Variants in PTPRD observed in about 807,000 individuals in gnomAD.
The protein encoded by PTPRD is protein tyrosine phosphatase receptor type D.
Under a neutral mutation model 214.5 loss-of-function variants are expected in PTPRD, and 34 were observed. That is an observed-to-expected ratio of 0.16 (90% CI 0.12 to 0.21). PTPRD has a LOEUF of 0.21. Ranked by LOEUF, PTPRD falls within the 10% of genes least tolerant of loss-of-function variation. PTPRD has a pLI of 1.00. For synonymous variants in PTPRD, 1,128 were observed against 845.7 expected, an observed-to-expected ratio of 1.33 and a Z score of -5.79; for missense variants, 2,545 against 2,398.7, an observed-to-expected ratio of 1.06 and a Z score of -1.27.
intron 8 of PTPRD, among the ~76,000 whole-genome samples, chr9:9,481,948 C>A (rs2095431214): frequency 6.6e-6 from 1 of 152,124 alleles, no homozygotes; most frequent in South Asian, 2.1e-4. Flanking sequence ...ATCAAATCTG[C>A]TTGAATTATC....
chr9:8,677,235 C>T (rs2097442648), intron 12 of PTPRD, among the ~76,000 whole-genome samples: 1 of 152,168 alleles, frequency 6.6e-6, no homozygotes, highest in Non-Finnish European at 1.5e-5. Flanking sequence ...TTTATCACAG[C>T]ATTATTCACA....
chr9:9,225,603 A>T (rs2099958939), intron 9 of PTPRD, among the ~76,000 whole-genome samples: 1 of 152,058 alleles, frequency 6.6e-6, no homozygotes, highest in African/African-American at 2.4e-5. Flanking sequence ...ACAAAGCCCT[A>T]TTGAGACATC....
intron 7 of PTPRD, among the ~76,000 whole-genome samples, chr9:9,701,727 A>G (rs930370783): frequency 1.3e-5 from 2 of 152,180 alleles, no homozygotes; most frequent in African/African-American, 4.8e-5. Flanking sequence ...TTTTCAAATG[A>G]GAAGGATGAA....
At chr9:10,285,347 A>T (rs12006022) in intron 3 of PTPRD, among the ~76,000 whole-genome samples, 17,117 of 152,132 alleles carry the variant, frequency 0.11, 2,282 homozygotes, top group African/African-American at 0.3. Context: ...TTATGTTATG[A>T]ACTTTAAAAA....
rs869152689 is a variant in PTPRD at position 9,692,638 on chromosome 9, GT to G, written c.-287+41894del. Among the ~76,000 whole-genome samples, 226 of 89,144 alleles carry G rather than the reference GT, an allele frequency of 2.5e-3. 3 individuals carry two copies. The highest frequency in any genetic ancestry group is 6.7e-3 in the East Asian group (19 of 2,856). The allele number at this position is 89,144 out of a possible 152,430, so 58.5% of individuals were successfully genotyped here. ...TTTTGTGATTCTATATAAATTTTAA[GT>G]TTTTTTTTTTTCTATTTCTGTGAAG... On this transcript the variant is annotated intron_variant, in intron 7 of 45. Transcript: ENST00000381196.
chr9:9,488,867 A>G (rs1366579337), intron 8 of PTPRD, among the ~76,000 whole-genome samples: 1 of 152,118 alleles, frequency 6.6e-6, no homozygotes, highest in Non-Finnish European at 1.5e-5. Context: ...GCTTGCACCC[A>G]GATTGCAAGA....
At chr9:9,126,400 A>T (rs1352144739) in intron 10 of PTPRD, among the ~76,000 whole-genome samples, 1 of 152,204 alleles carries the variant, frequency 6.6e-6, no homozygotes, top group Non-Finnish European at 1.5e-5. Context: ...GTCCTCACCT[A>T]TATCAAGGAT....
chr9:10,460,233 GA>G (rs1378041941), intron 2 of PTPRD, among the ~76,000 whole-genome samples: 6 of 151,776 alleles, frequency 4.0e-5, no homozygotes, highest in African/African-American at 1.2e-4. Flanking sequence ...AATTAAATAG[GA>G]CACAAATAAG....
rs547123758 is a variant in PTPRD at position 9,004,352 on chromosome 9, C to T, written c.-104+14345G>A. ...AAAATATAAACCTCATACCCTTATT[C>T]TCTTCCTACATTTCAACCATCTCAA... is the stretch of plus-strand genomic sequence containing the variant. On this transcript the variant is annotated intron_variant, in intron 11 of 45. Transcript: ENST00000381196. Among the ~76,000 whole-genome samples, 3 of 152,110 alleles carry T rather than the reference C, an allele frequency of 2.0e-5. No homozygotes were observed. The East Asian group carries it at 5.8e-4, about 29-fold the overall frequency.
intron 12 of PTPRD, among the ~76,000 whole-genome samples, chr9:8,677,236 A>G (rs1286201388): frequency 6.6e-6 from 1 of 152,234 alleles, no homozygotes; most frequent in Non-Finnish European, 1.5e-5. Flanking sequence ...TTATCACAGC[A>G]TTATTCACAA....
intron 3 of PTPRD, among the ~76,000 whole-genome samples, chr9:10,338,559 G>C (rs548792682): frequency 1.3e-5 from 2 of 151,798 alleles, no homozygotes; most frequent in East Asian, 3.9e-4. Context: ...ATAGATAAAG[G>C]TGTAGTGTTA....
intron 9 of PTPRD, among the ~76,000 whole-genome samples, chr9:9,220,755 G>C (rs1194445435): frequency 2.0e-5 from 3 of 151,974 alleles, no homozygotes; most frequent in African/African-American, 7.2e-5. Context: ...GGGTAACTTA[G>C]GCAAACCTCT....
rs200769980 is a variant in PTPRD at position 9,779,916 on chromosome 9, C to A, written c.-367-13065G>T. Among the ~76,000 whole-genome samples, 5,586 of 152,152 alleles carry A rather than the reference C, an allele frequency of 0.037. 579 individuals carry two copies. In the East Asian group the frequency reaches 0.39, roughly 11 times the overall value. On this transcript the variant is annotated intron_variant, in intron 5 of 45. Coordinates refer to ENST00000381196, the MANE Select transcript of PTPRD (RefSeq NM_002839.4). ...CAATCCCATTACTGGGTATATACCCCAAAGAAAATAGGTCATTATGCCAAA... is the reference window on the plus strand; with the variant it reads ...CAATCCCATTACTGGGTATATACCCAAAAGAAAATAGGTCATTATGCCAAA...
chr9:10,223,715 A>G (rs961769579), intron 3 of PTPRD, among the ~76,000 whole-genome samples: 2 of 135,098 alleles, frequency 1.5e-5, no homozygotes, highest in Non-Finnish European at 3.2e-5. Flanking sequence ...ATAATAATAA[A>G]GTAGAGTAGT....
chr9:10,219,517 A>T (rs775865746), intron 3 of PTPRD, among the ~76,000 whole-genome samples: 1 of 151,810 alleles, frequency 6.6e-6, no homozygotes, highest in Non-Finnish European at 1.5e-5. Flanking sequence ...GAGGGATGAG[A>T]GGCCCATTTG....
chr9:8,498,184 A>C (rs2097316830), intron 25 of PTPRD, among the ~76,000 whole-genome samples: 1 of 152,226 alleles, frequency 6.6e-6, no homozygotes. Flanking sequence ...AGAAAACATA[A>C]AGACTTCTGA....
At chr9:10,543,467 A>AATAT (rs771137112) in intron 2 of PTPRD, among the ~76,000 whole-genome samples, 1 of 142,888 alleles carries the variant, frequency 7.0e-6, no homozygotes, top group African/African-American at 2.6e-5. Context: ...TGAAGAGTTT[A>AATAT]ATATATATAT....
At chr9:8,580,491 G>T (rs1191724588) in intron 14 of PTPRD, among the ~76,000 whole-genome samples, 1 of 152,150 alleles carries the variant, frequency 6.6e-6, no homozygotes, top group African/African-American at 2.4e-5. Flanking sequence ...AGACCCTGAT[G>T]GACTTTTTAT....
intron 8 of PTPRD, among the ~76,000 whole-genome samples, chr9:9,477,563 G>C (rs1452476701): frequency 6.6e-6 from 1 of 152,070 alleles, no homozygotes; most frequent in African/African-American, 2.4e-5. Flanking sequence ...CTGATATGAG[G>C]CTGGTGTTTT....
Sources: gnomAD v4.1 joint callset for allele counts (sites outside exome capture counted in the v4.1 genomes callset) on GRCh38, gnomAD v4.1.1 for gene constraint, MANE v1.5 for transcripts, NCBI Gene and HGNC (gene_info 2026-07-23, HGNC 2026-07-21) for gene names.